Variants in SLC13A3 observed in about 807,000 individuals in gnomAD.
SLC13A3 encodes the protein Na(+)/dicarboxylate cotransporter 3.
Under a neutral mutation model 59.0 loss-of-function variants are expected in SLC13A3, and 40 were observed. The ratio of observed to expected loss-of-function variants is 0.68; its 90% CI spans 0.53 to 0.88. The LOEUF (loss-of-function observed/expected upper bound fraction) is 0.88. SLC13A3 is among the 40% of genes least tolerant of loss of function. The probability of loss-of-function intolerance (pLI) is 0.00; values close to 1 mark genes in which losing one functional copy is unlikely to be tolerated. For missense variants in SLC13A3, 699 were observed against 783.2 expected, an observed-to-expected ratio of 0.89 and a Z score of 1.28; for synonymous variants, 317 against 330.3, an observed-to-expected ratio of 0.96 and a Z score of 0.44.
chr20:46,655,027 A>G (rs906561936), upstream of SLC13A3, among the ~76,000 whole-genome samples: 1 of 152,016 alleles, frequency 6.6e-6, no homozygotes, highest in African/African-American at 2.4e-5. Context: ...GAAAAATCTG[A>G]TATCATTTGA....
chr20:46,566,379 C>T lies in SLC13A3; in HGVS notation c.1344G>A (p.Leu448=), dbSNP rs151204659. ...GCAGCTGCCCACCAATCCATACAGA[C>T]AGCCCCGATTCCTGCGGAGGGAAAG... The part of the protein sequence containing the change: ...AMAKGCEESG[L]SVWIGGQLHP... The change falls in exon 11 of 13, where the codon CTG becomes CTA. Residue 448 remains leucine, a synonymous_variant. Coordinates refer to ENST00000279027, the MANE Select transcript of SLC13A3 (RefSeq NM_022829.6). 68 of 1,612,790 alleles carry T rather than the reference C, an allele frequency of 4.2e-5. No individual in the cohort carries two copies. In the Middle Eastern group the frequency reaches 8.3e-4, roughly 20 times the overall value.
At chr20:46,586,068 C>T (rs915340056) in intron 8 of SLC13A3, among the ~76,000 whole-genome samples, 2 of 152,196 alleles carry the variant, frequency 1.3e-5, no homozygotes, top group Non-Finnish European at 2.9e-5. Flanking sequence ...TGCAAAATAT[C>T]TCACTAATAA....
chr20:46,588,157 G>A lies in SLC13A3; in HGVS notation c.1023C>T (p.Ala341=), dbSNP rs1180074032. The change falls in exon 8 of 13, where the codon GCC becomes GCT. Residue 341 remains alanine (A), a synonymous_variant. Coordinates refer to ENST00000279027, the MANE Select transcript of SLC13A3 (RefSeq NM_022829.6). ...AGAAAAGGATGAAAACAGCCTGTTC[G>A]GCAAACCTGTGGCACAGACATGCAG... is the stretch of plus-strand genomic sequence containing the variant. ...EYQNLGPIKF[A]EQAVFILFCM... 37 of 1,607,168 alleles carry A rather than the reference G, an allele frequency of 2.3e-5. No homozygotes were observed. Among genetic ancestry groups the A allele is most frequent in the East Asian group, 1.6e-4 (7 of 44,704 alleles).
At position 46,600,032 on chromosome 20, in the gene SLC13A3, C is replaced by A; in HGVS notation, c.547G>T (p.Val183Leu). The change falls in exon 4 of 13, where the codon GTG becomes TTG. Residue 183 changes from valine (V) to leucine (L), a missense_variant. Transcript: ENST00000279027. ...SQESEENTAAVRRNGLHTVPT... is the reference protein window; with the variant it reads ...SQESEENTAALRRNGLHTVPT... Reference sequence around the variant, plus strand: ...ACAGTGTGTAGGCCGTTTCTCCGCACAGCAGCTAGGAGGAAAGAGCATGAT... The same window carrying A: ...ACAGTGTGTAGGCCGTTTCTCCGCAAAGCAGCTAGGAGGAAAGAGCATGAT... The A allele has an allele frequency of 6.4e-7, 1 of 1,562,058 alleles. No homozygotes were observed. Among genetic ancestry groups the A allele is most frequent in the Non-Finnish European group, 8.7e-7 (1 of 1,143,808 alleles).
In SLC13A3 at chr20:46,559,930, G is replaced by T. The variant is rs1189793706; in HGVS notation, c.*92C>A. The T allele has an allele frequency of 1.5e-6, 2 of 1,320,572 alleles. No individual in the cohort carries two copies. The highest frequency in any genetic ancestry group is 2.1e-6 in the Non-Finnish European group (2 of 941,490). 81.8% of individuals were successfully genotyped at this position (1,320,572 alleles called of 1,614,324 possible). A position where few individuals can be genotyped will look rare whatever the true frequency, so the allele number is the denominator to read the frequency against. On this transcript the variant is annotated 3_prime_UTR_variant, in exon 13 of 13. Coordinates refer to ENST00000279027, the MANE Select transcript of SLC13A3 (RefSeq NM_022829.6). ...TTGCTGCATATTGGATTACAGAAAA[G>T]AATTATTTGATTGTTTTGTAGTGTC...
intron 3 of SLC13A3, among the ~76,000 whole-genome samples, chr20:46,607,462 C>T (rs542611437): frequency 6.6e-6 from 1 of 152,312 alleles, no homozygotes; most frequent in South Asian, 2.1e-4. Flanking sequence ...TGGAATTAGC[C>T]TTGTTTTAGG....
upstream of SLC13A3, among the ~76,000 whole-genome samples, chr20:46,655,012 C>G (rs541894061): frequency 3.6e-4 from 55 of 152,262 alleles, no homozygotes; most frequent in South Asian, 8.7e-3. Context: ...TCCATGGTCT[C>G]TGGTGAAAAA....
At chr20:46,592,322 C>T (rs1215016864) in intron 6 of SLC13A3, 82 bp downstream of exon 6, 11 of 1,510,052 alleles carry the variant, frequency 7.3e-6, no homozygotes, top group Non-Finnish European at 1.0e-5. Context: ...CAATCATCCT[C>T]AGTTTTCATA....
At chr20:46,658,932 C>G (rs1005443000) in intron 1 of SLC13A3, among the ~76,000 whole-genome samples, 1 of 152,048 alleles carries the variant, frequency 6.6e-6, no homozygotes, top group African/African-American at 2.4e-5. Flanking sequence ...CCATAGATGC[C>G]CTTTGTGTTG....
At chr20:46,675,885 G>A (rs889581402) in intron 1 of SLC13A3, 17 of 151,982 alleles carry the variant, frequency 1.1e-4, no homozygotes, top group African/African-American at 2.4e-5. Flanking sequence ...TGGTCAGGAG[G>A]GGGAACGGAG....
chr20:46,589,292 C>T (rs774869946), intron 6 of SLC13A3, 37 bp from the exon 7 acceptor site: 1 of 1,559,056 alleles, frequency 6.4e-7, no homozygotes. Context: ...GTGGCCACTG[C>T]AGGTATAACT....
At chr20:46,563,213 G>C (rs570917089) in intron 12 of SLC13A3, among the ~76,000 whole-genome samples, 4 of 152,200 alleles carry the variant, frequency 2.6e-5, no homozygotes, top group Non-Finnish European at 4.4e-5. Context: ...TAGTCACTAA[G>C]GCAGTGTTTC....
Position 46,621,019 on chromosome 20 carries a change from G to A in SLC13A3, c.112-7294C>T, listed in dbSNP as rs560249525. Among the ~76,000 whole-genome samples the A allele has an allele frequency of 7.3e-4, 111 of 152,304 alleles. 1 individual carries two copies. Among genetic ancestry groups the A allele is most frequent in the South Asian group, 1.5e-3 (7 of 4,818 alleles). ...GGCCATCAAGAGTTGGAAGTGGTCC[G>A]GTCAAAGCAAAAGTGAACTGGTCAA... On this transcript the variant is annotated intron_variant, in intron 1 of 12. Transcript: ENST00000279027.
At position 46,560,515 on chromosome 20, in the gene SLC13A3, C is replaced by T. The variant is rs371542379; in HGVS notation, c.1633-317G>A. 9.2e-5 allele frequency among the ~76,000 whole-genome samples: 14 copies of T among 152,196 alleles called. No individual in the cohort carries two copies. The East Asian group carries it at 2.3e-3, about 25-fold the overall frequency. The stretch of plus-strand genomic sequence containing the variant: ...CTTACAAAGGTCATTCTTATTAATC[C>T]CCATTTTATAGAAGAGAAAAATGAG... On this transcript the variant is annotated intron_variant, in intron 12 of 12. Transcript: ENST00000279027.
At position 46,613,227 on chromosome 20, in the gene SLC13A3, C is replaced by T. The variant is rs117746499; in HGVS notation, c.377+233G>A. 8.4e-4 allele frequency among the ~76,000 whole-genome samples: 127 copies of T among 151,970 alleles called. 2 individuals are homozygous for T. In the East Asian group the frequency reaches 0.017, roughly 21 times the overall value. ...CATGTTCCCAGGTGATTCTTCTGCA[C>T]CTTTGAGAACAGCTGCCCATGATGG... On this transcript the variant is annotated intron_variant, in intron 2 of 12. Coordinates refer to ENST00000279027, the MANE Select transcript of SLC13A3 (RefSeq NM_022829.6).
At chr20:46,594,221 AT>A (rs1362413773) in intron 5 of SLC13A3, among the ~76,000 whole-genome samples, 1 of 149,438 alleles carries the variant, frequency 6.7e-6, no homozygotes, top group African/African-American at 2.4e-5. Flanking sequence ...TTAATATTAT[AT>A]ATTTTATGTA....
At chr20:46,614,486 G>A (rs1432886201) in intron 1 of SLC13A3, among the ~76,000 whole-genome samples, 2 of 152,218 alleles carry the variant, frequency 1.3e-5, no homozygotes, top group Admixed American at 1.3e-4. Flanking sequence ...GAAGCTACTA[G>A]TGTGTGCGGA....
chr20:46,571,228 T>C (rs768163798), intron 10 of SLC13A3, among the ~76,000 whole-genome samples: 11 of 152,152 alleles, frequency 7.2e-5, no homozygotes, highest in Non-Finnish European at 1.2e-4. Context: ...AACTACACAA[T>C]TCAGGATGAG....
At chr20:46,564,175 G>A (rs770100631) in intron 11 of SLC13A3, among the ~76,000 whole-genome samples, 1 of 152,214 alleles carries the variant, frequency 6.6e-6, no homozygotes, top group Non-Finnish European at 1.5e-5. Context: ...GATACCTCTT[G>A]TTGGGGGCAT....
Sources: gnomAD v4.1 joint callset for allele counts (sites outside exome capture counted in the v4.1 genomes callset) on GRCh38, gnomAD v4.1.1 for gene constraint, MANE v1.5 for transcripts, NCBI Gene and HGNC (gene_info 2026-07-23, HGNC 2026-07-21) for gene names.